Variants in PDE4D observed in about 807,000 individuals in gnomAD.
The protein encoded by PDE4D is phosphodiesterase 4D.
Under a neutral mutation model 87.4 loss-of-function variants are expected in PDE4D, and 24 were observed. The ratio of observed to expected loss-of-function variants is 0.27; its 90% CI spans 0.20 to 0.39. PDE4D has a LOEUF of 0.39. Among genes scored for constraint, PDE4D ranks in the 10% least tolerant of loss-of-function variants. The pLI, the probability that PDE4D is intolerant of heterozygous loss-of-function variation, is 1.00. For synonymous variants in PDE4D, 384 were observed against 383.2 expected (o/e 1.00, Z -0.02); for missense variants, 714 against 1,041.0 (o/e 0.69, Z 4.32).
chr5:59,627,949 A>T (rs1221866108), intron 1 of PDE4D, among the ~76,000 whole-genome samples: 1 of 152,160 alleles, frequency 6.6e-6, no homozygotes, highest in Non-Finnish European at 1.5e-5. Flanking sequence ...ATCTCAGTTC[A>T]TTGTCCTTAA....
chr5:60,209,986 T>C (rs1743001177), intron 1 of PDE4D, among the ~76,000 whole-genome samples: 1 of 152,110 alleles, frequency 6.6e-6, no homozygotes, highest in African/African-American at 2.4e-5. Context: ...CAAAATACAT[T>C]GAAAAGAAAG....
chr5:60,469,780 A>G (rs929020579), intron 1 of PDE4D, among the ~76,000 whole-genome samples: 4 of 152,210 alleles, frequency 2.6e-5, no homozygotes, highest in Admixed American at 6.5e-5. Flanking sequence ...AACTTAATCA[A>G]TGAATAATGT....
chr5:60,339,122 A>G (rs1758081785), intron 1 of PDE4D, among the ~76,000 whole-genome samples: 1 of 152,152 alleles, frequency 6.6e-6, no homozygotes. Context: ...CCCTCTTCAC[A>G]TCTTCATGGA....
At chr5:59,363,509 C>A (rs1283835154) in intron 1 of PDE4D, among the ~76,000 whole-genome samples, 2 of 152,136 alleles carry the variant, frequency 1.3e-5, no homozygotes, top group Non-Finnish European at 2.9e-5. Flanking sequence ...GGTCAGGTCA[C>A]CTTCCTTGAA....
intron 1 of PDE4D, among the ~76,000 whole-genome samples, chr5:59,707,565 T>C (rs1224193669): frequency 3.3e-5 from 5 of 152,134 alleles, no homozygotes; most frequent in Non-Finnish European, 7.4e-5. Context: ...GTTTGTTACA[T>C]AGGTAGATGT....
intron 1 of PDE4D, among the ~76,000 whole-genome samples, chr5:60,271,095 T>C (rs1271218606): frequency 6.6e-6 from 1 of 152,170 alleles, no homozygotes; most frequent in Non-Finnish European, 1.5e-5. Flanking sequence ...AGCTATTACA[T>C]ATGTATTTAT....
intron 1 of PDE4D, among the ~76,000 whole-genome samples, chr5:60,350,651 C>A (rs371079147): frequency 6.6e-6 from 1 of 152,114 alleles, no homozygotes; most frequent in Non-Finnish European, 1.5e-5. Flanking sequence ...GTTGTCAACA[C>A]GCAGGATGCA....
intron 3 of PDE4D, among the ~76,000 whole-genome samples, chr5:59,940,125 G>A (rs534878361): frequency 4.9e-4 from 74 of 152,194 alleles, no homozygotes; most frequent in Middle Eastern, 6.8e-3. Flanking sequence ...GAGAACCCCC[G>A]CACTTGGAGG....
intron 5 of PDE4D, among the ~76,000 whole-genome samples, chr5:59,075,481 T>C (rs1765531801): frequency 6.7e-6 from 1 of 149,950 alleles, no homozygotes; most frequent in Non-Finnish European, 1.5e-5. Context: ...CTTCAAATCA[T>C]TGGTATGCAC....
At chr5:59,887,970 G>A (rs1054294504) in intron 1 of PDE4D, among the ~76,000 whole-genome samples, 10 of 152,186 alleles carry the variant, frequency 6.6e-5, no homozygotes, top group Non-Finnish European at 1.5e-5. Flanking sequence ...AGATATGGAG[G>A]ATATAGTTTG....
chr5:60,202,854 T>C (rs1381733699), intron 1 of PDE4D, among the ~76,000 whole-genome samples: 1 of 152,164 alleles, frequency 6.6e-6, no homozygotes, highest in African/African-American at 2.4e-5. Flanking sequence ...AGATATTTGA[T>C]GTATTTGGCA....
chr5:60,031,215 A>G (rs1378829131), intron 2 of PDE4D, among the ~76,000 whole-genome samples: 1 of 152,218 alleles, frequency 6.6e-6, no homozygotes, highest in Non-Finnish European at 1.5e-5. Context: ...CCTATGATTA[A>G]AGAAACCCTG....
intron 5 of PDE4D, among the ~76,000 whole-genome samples, chr5:59,154,850 C>A (rs967875837): frequency 1.3e-5 from 2 of 152,200 alleles, no homozygotes; most frequent in African/African-American, 2.4e-5. Flanking sequence ...CTTGCCACTG[C>A]ACTCCATCCT....
intron 3 of PDE4D, among the ~76,000 whole-genome samples, chr5:59,908,481 A>G (rs1184388477): frequency 6.6e-6 from 1 of 152,142 alleles, no homozygotes; most frequent in East Asian, 1.9e-4. Context: ...TCTACTGAAA[A>G]CTTTTCCTTA....
intron 3 of PDE4D, among the ~76,000 whole-genome samples, chr5:59,948,836 T>A (rs1757972079): frequency 6.6e-6 from 1 of 152,224 alleles, no homozygotes; most frequent in African/African-American, 2.4e-5. Flanking sequence ...TAATTCTGAC[T>A]TAGCCACGAA....
intron 2 of PDE4D, chr5:60,160,657 A>C (rs1013498262): frequency 4.2e-5 from 10 of 236,592 alleles, no homozygotes; most frequent in South Asian, 1.4e-4. Flanking sequence ...TTTGATATGA[A>C]ATGTAAATTT....
At chr5:59,903,127 T>C (rs1752447719) in intron 3 of PDE4D, among the ~76,000 whole-genome samples, 1 of 152,182 alleles carries the variant, frequency 6.6e-6, no homozygotes, top group Non-Finnish European at 1.5e-5. Flanking sequence ...ATCCTTTGGA[T>C]ATGCAGAAAC....
At chr5:59,138,184 C>T (rs1221114299) in intron 5 of PDE4D, among the ~76,000 whole-genome samples, 7 of 152,234 alleles carry the variant, frequency 4.6e-5, no homozygotes, top group Non-Finnish European at 7.3e-5. Flanking sequence ...CTGTTTAGTG[C>T]ATGTGTTTCT....
At chr5:59,758,645 C>A (rs1238639643) in intron 1 of PDE4D, among the ~76,000 whole-genome samples, 1 of 152,096 alleles carries the variant, frequency 6.6e-6, no homozygotes, top group Non-Finnish European at 1.5e-5. Context: ...TATCTGTTAC[C>A]TAAAATTATG....
Sources: gnomAD v4.1 joint callset for allele counts (sites outside exome capture counted in the v4.1 genomes callset) on GRCh38, gnomAD v4.1.1 for gene constraint, MANE v1.5 for transcripts, NCBI Gene and HGNC (gene_info 2026-07-23, HGNC 2026-07-21) for gene names.